TMEM108: variants seen among roughly 807,000 people sequenced by gnomAD.
TMEM108 encodes the protein cancer/testis antigen 124.
Under a neutral mutation model 35.1 loss-of-function variants are expected in TMEM108, and 12 were observed. The ratio of observed to expected loss-of-function variants is 0.34; its 90% CI spans 0.22 to 0.55. The LOEUF is 0.55. Ranked by LOEUF, TMEM108 falls within the 20% of genes least tolerant of loss-of-function variation. The pLI, the probability that TMEM108 is intolerant of heterozygous loss-of-function variation, is 0.89. For synonymous variants in TMEM108, 287 were observed against 308.6 expected (o/e 0.93, Z 0.73); for missense variants, 680 against 753.3 (o/e 0.90, Z 1.14).
At chr3:133,115,812 G>C (rs1416656011) in intron 2 of TMEM108, among the ~76,000 whole-genome samples, 2 of 152,204 alleles carry the variant, frequency 1.3e-5, no homozygotes, top group Non-Finnish European at 1.5e-5. Context: ...ATCATTAGCT[G>C]TTGCTGTCCC....
intron 2 of TMEM108, among the ~76,000 whole-genome samples, chr3:133,049,207 T>A (rs1008190398): frequency 1.4e-4 from 22 of 152,230 alleles, no homozygotes; most frequent in Admixed American, 2.0e-4. Context: ...CTTGGATAAT[T>A]TTCTCAAATG....
intron 2 of TMEM108, among the ~76,000 whole-genome samples, chr3:133,206,718 CCT>C (rs979930146): frequency 6.6e-5 from 10 of 152,224 alleles, no homozygotes; most frequent in African/African-American, 2.4e-4. Context: ...CTGAAGCTCT[CCT>C]GTATGAGGTG....
chr3:133,165,479 CAT>C, intron 2 of TMEM108, among the ~76,000 whole-genome samples: 1 of 151,992 alleles, frequency 6.6e-6, no homozygotes. Flanking sequence ...CTCCTCATGA[CAT>C]ATTGGTAAGT....
At chr3:133,174,037 C>T (rs1300558261) in intron 2 of TMEM108, among the ~76,000 whole-genome samples, 1 of 152,252 alleles carries the variant, frequency 6.6e-6, no homozygotes, top group African/African-American at 2.4e-5. Context: ...TTATATCCCG[C>T]TCCTGGCTCA....
At chr3:133,045,132 T>C (rs1943320297) in intron 1 of TMEM108, among the ~76,000 whole-genome samples, 1 of 152,052 alleles carries the variant, frequency 6.6e-6, no homozygotes, top group African/African-American at 2.4e-5. Context: ...CATGCCCGGC[T>C]AATTTTTTGT....
intron 3 of TMEM108, among the ~76,000 whole-genome samples, chr3:133,333,677 C>T (rs1283280204): frequency 6.6e-6 from 1 of 152,184 alleles, no homozygotes; most frequent in Non-Finnish European, 1.5e-5. Flanking sequence ...AGAGAAGTAA[C>T]TGTACAATTT....
chr3:133,285,940 G>A (rs1014173406), intron 3 of TMEM108, among the ~76,000 whole-genome samples: 4 of 152,106 alleles, frequency 2.6e-5, no homozygotes, highest in East Asian at 1.9e-4. Flanking sequence ...AGGTGGAGGG[G>A]GCACCTCATG....
At chr3:133,369,518 G>A (rs938229) in intron 3 of TMEM108, among the ~76,000 whole-genome samples, 56,303 of 151,976 alleles carry the variant, frequency 0.37, 10,732 homozygotes, top group Middle Eastern at 0.42. Context: ...CCCTGACTCC[G>A]CAGTTGGAAT....
chr3:133,320,537 G>T (rs1275500132), intron 3 of TMEM108, among the ~76,000 whole-genome samples: 1 of 152,158 alleles, frequency 6.6e-6, no homozygotes, highest in Non-Finnish European at 1.5e-5. Context: ...ATACACAAAT[G>T]TAAGAATAAT....
intron 3 of TMEM108, among the ~76,000 whole-genome samples, chr3:133,267,889 A>G (rs942382834): frequency 2.6e-5 from 4 of 152,226 alleles, no homozygotes; most frequent in African/African-American, 9.6e-5. Context: ...ACACCAAAAT[A>G]TCTTTTATGT....
In TMEM108 at chr3:133,388,269, CAG is replaced by C. The variant is rs369446973; in HGVS notation, c.1451-1907_1451-1906del. 6.4e-4 allele frequency: 635 copies of C among 985,246 alleles called. 4 individuals are homozygous for C. In the African/African-American group the frequency reaches 1.0e-2, roughly 15 times the overall value. 61.0% of individuals were successfully genotyped at this position (985,246 alleles called of 1,614,324 possible). A position where few individuals can be genotyped will look rare whatever the true frequency, so the allele number is the denominator to read the frequency against. Reference sequence around the variant, plus strand: ...AGTGAAAGGTAGTGACAATGAAGAACAGAGACACCAGAGAAGGGGACAGGGGA... The same window carrying C: ...AGTGAAAGGTAGTGACAATGAAGAACAGACACCAGAGAAGGGGACAGGGGA... On this transcript the variant is annotated intron_variant, in intron 4 of 5. Transcript: ENST00000321871.
intron 2 of TMEM108, among the ~76,000 whole-genome samples, chr3:133,094,919 A>G (rs1943994248): frequency 1.3e-5 from 2 of 152,156 alleles, no homozygotes; most frequent in Admixed American, 6.5e-5. Context: ...TTTGTATCCC[A>G]ATGCCTGGTA....
At chr3:133,230,445 TC>T (rs1946136109) in intron 3 of TMEM108, among the ~76,000 whole-genome samples, 2 of 152,210 alleles carry the variant, frequency 1.3e-5, no homozygotes, top group East Asian at 3.8e-4. Flanking sequence ...TTTCTCATGT[TC>T]CTTTTCCATG....
At chr3:133,294,045 A>C (rs984341180) in intron 3 of TMEM108, among the ~76,000 whole-genome samples, 33 of 152,326 alleles carry the variant, frequency 2.2e-4, no homozygotes, top group African/African-American at 7.7e-4. Context: ...ATATTAATGT[A>C]CCACTCTCTG....
chr3:133,295,002 G>A (rs1325240269), intron 3 of TMEM108, among the ~76,000 whole-genome samples: 4 of 152,110 alleles, frequency 2.6e-5, no homozygotes, highest in South Asian at 4.1e-4. Context: ...TCAAGTAAAC[G>A]GAAGTCTTTC....
chr3:133,254,238 A>T (rs148317339), intron 3 of TMEM108, among the ~76,000 whole-genome samples: 1,943 of 152,322 alleles, frequency 0.013, 20 homozygotes, highest in Non-Finnish European at 0.017. Context: ...GGAAAATTTC[A>T]TCTATAACAA....
At chr3:133,248,390 A>G (rs182375550) in intron 3 of TMEM108, 17 of 152,356 alleles carry the variant, frequency 1.1e-4, no homozygotes, top group Admixed American at 8.5e-4. Flanking sequence ...CAAGTCCAGT[A>G]TATTTTCCAG....
chr3:133,077,880 C>T (rs1036369764), intron 2 of TMEM108, among the ~76,000 whole-genome samples: 5 of 152,136 alleles, frequency 3.3e-5, no homozygotes, highest in Non-Finnish European at 5.9e-5. Flanking sequence ...CAGGCTGACT[C>T]GTTTGCCTGT....
At chr3:133,245,157 A>G (rs1454758507) in intron 3 of TMEM108, among the ~76,000 whole-genome samples, 1 of 152,182 alleles carries the variant, frequency 6.6e-6, no homozygotes, top group Non-Finnish European at 1.5e-5. Flanking sequence ...AGTAATTGCC[A>G]CTGTGTTTAG....
Sources: gnomAD v4.1 joint callset for allele counts (sites outside exome capture counted in the v4.1 genomes callset) on GRCh38, gnomAD v4.1.1 for gene constraint, MANE v1.5 for transcripts, NCBI Gene and HGNC (gene_info 2026-07-23, HGNC 2026-07-21) for gene names.